CDS1: variants seen among roughly 807,000 people sequenced by gnomAD.
The protein encoded by CDS1 is phosphatidate cytidylyltransferase 1.
CDS1 carries 41 observed loss-of-function variants against 62.1 expected under a neutral mutation model. The ratio of observed to expected loss-of-function variants is 0.66; its 90% confidence interval spans 0.51 to 0.86. The LOEUF is 0.86. Ranked by LOEUF, CDS1 falls within the 40% of genes least tolerant of loss-of-function variation. CDS1 has a pLI of 0.00. For synonymous variants in CDS1, 185 were observed against 192.6 expected (o/e 0.96, Z 0.32); for missense variants, 470 against 550.1 (o/e 0.85, Z 1.46).
intron 6 of CDS1, among the ~76,000 whole-genome samples, chr4:84,633,262 T>G (rs1724079447): frequency 6.6e-6 from 1 of 152,230 alleles, no homozygotes; most frequent in Non-Finnish European, 1.5e-5. Flanking sequence ...TCAGGCTAGA[T>G]AGAATTGGCA....
At chr4:84,603,389 C>T (rs1340426787) in intron 1 of CDS1, among the ~76,000 whole-genome samples, 1 of 152,158 alleles carries the variant, frequency 6.6e-6, no homozygotes, top group African/African-American at 2.4e-5. Context: ...GTGTGTTCAC[C>T]ACTCATAACT....
chr4:84,601,845 A>C (rs1578023087), intron 1 of CDS1, among the ~76,000 whole-genome samples: 1 of 152,072 alleles, frequency 6.6e-6, no homozygotes, highest in Non-Finnish European at 1.5e-5. Context: ...CCTGGGAGGC[A>C]GAGGCTGCAG....
In CDS1 at chr4:84,617,672, T is replaced by A. The variant is rs778849082; in HGVS notation, c.440+11T>A. ...TAGAACACTAAGTTGGTAAGTAAGCTTGAAACTATTTCAGATATGAAAAGT... is the reference window on the plus strand; with the variant it reads ...TAGAACACTAAGTTGGTAAGTAAGCATGAAACTATTTCAGATATGAAAAGT... On this transcript the variant is annotated intron_variant, in intron 4 of 12. Coordinates refer to ENST00000295887, the MANE Select transcript of CDS1 (RefSeq NM_001263.4). 3 of 1,263,596 alleles carry A rather than the reference T, an allele frequency of 2.4e-6. No homozygotes were observed. The highest frequency in any genetic ancestry group is 3.4e-6 in the Non-Finnish European group (3 of 881,218). The allele number at this position is 1,263,596 out of a possible 1,614,324, so 78.3% of individuals were successfully genotyped here.
chr4:84,643,140 CA>C lies in CDS1; in HGVS notation c.1151del (p.Lys384ArgfsTer13). On this transcript the variant is annotated frameshift_variant and splice_region_variant, in exon 11 of 13. Transcript: ENST00000295887. LOFTEE classifies it high-confidence loss of function. ...ASGFKRAFKI[K>X]DFANTIPGHG... Reference sequence around the variant, plus strand: ...GTGGATTCAAAAGAGCCTTCAAAATCAAGGTGTGTGTTTAGATTCTTTGTTA... The same window carrying C: ...GTGGATTCAAAAGAGCCTTCAAAATCAGGTGTGTGTTTAGATTCTTTGTTA... 6.2e-7 allele frequency: 1 copy of C among 1,612,230 alleles called. No homozygotes were observed. The highest frequency in any genetic ancestry group is 8.5e-7 in the Non-Finnish European group (1 of 1,178,938).
At chr4:84,639,422 C>G (rs1036587951) in intron 9 of CDS1, among the ~76,000 whole-genome samples, 1 of 152,184 alleles carries the variant, frequency 6.6e-6, no homozygotes, top group Non-Finnish European at 1.5e-5. Context: ...CACATGGTGG[C>G]CACTTGGCTC....
At chr4:84,590,441 G>T (rs1309757067) in intron 1 of CDS1, among the ~76,000 whole-genome samples, 1 of 152,168 alleles carries the variant, frequency 6.6e-6, no homozygotes, top group South Asian at 2.1e-4. Flanking sequence ...ATATCTGAGG[G>T]TTACCATGTG....
rs987906552 is a variant in CDS1, at chr4:84,596,984, G to A, written c.118-7259G>A. On this transcript the variant is annotated intron_variant, in intron 1 of 12. Coordinates refer to ENST00000295887, the MANE Select transcript of CDS1 (RefSeq NM_001263.4). Reference sequence around the variant, plus strand: ...GTGTGGCCAAAGCCCTGGCTGGAGAGTAAGAGGAGGCTGGGTTTATACCCT... The same window carrying A: ...GTGTGGCCAAAGCCCTGGCTGGAGAATAAGAGGAGGCTGGGTTTATACCCT... 2.6e-5 allele frequency among the ~76,000 whole-genome samples: 4 copies of A among 152,220 alleles called. 1 individual carries two copies. Among genetic ancestry groups the A allele is most frequent in the African/African-American group, 9.6e-5 (4 of 41,454 alleles).
chr4:84,601,474 T>C (rs1054609806), intron 1 of CDS1, among the ~76,000 whole-genome samples: 1 of 152,194 alleles, frequency 6.6e-6, no homozygotes, highest in African/African-American at 2.4e-5. Flanking sequence ...GACATAAGTT[T>C]ACGGGGAATC....
chr4:84,635,696 T>TCCCTCCCTCCCTCCCTCCC (rs1393347967), intron 8 of CDS1, among the ~76,000 whole-genome samples: 1 of 58,426 alleles, frequency 1.7e-5, no homozygotes, highest in African/African-American at 7.1e-5. Flanking sequence ...CCTTCCCTCC[T>TCCCTCCCTCCCTCCCTCCC]TCCCTCCCTC....
chr4:84,641,605 A>G (rs888308151), intron 10 of CDS1, among the ~76,000 whole-genome samples: 5 of 152,220 alleles, frequency 3.3e-5, no homozygotes, highest in Admixed American at 2.6e-4. Flanking sequence ...CTTGATTTTT[A>G]GAGGACATTT....
At chr4:84,587,644 C>A (rs1256759720) in intron 1 of CDS1, among the ~76,000 whole-genome samples, 2 of 152,100 alleles carry the variant, frequency 1.3e-5, no homozygotes, top group Non-Finnish European at 2.9e-5. Context: ...ATGTAGAGAC[C>A]AAGGGAGAAC....
intron 2 of CDS1, among the ~76,000 whole-genome samples, chr4:84,605,386 C>A (rs1723062624): frequency 6.6e-6 from 1 of 151,592 alleles, no homozygotes; most frequent in Non-Finnish European, 1.5e-5. Context: ...GGGTCATAGC[C>A]TGCGATCTGA....
intron 3 of CDS1, among the ~76,000 whole-genome samples, chr4:84,609,739 C>A (rs1723258046): frequency 6.6e-6 from 1 of 152,146 alleles, no homozygotes; most frequent in Non-Finnish European, 1.5e-5. Context: ...TCAGCAGAGA[C>A]CAAGTTTGTA....
At chr4:84,586,541 G>C (rs1005545220) in intron 1 of CDS1, among the ~76,000 whole-genome samples, 3 of 152,086 alleles carry the variant, frequency 2.0e-5, no homozygotes, top group African/African-American at 7.2e-5. Context: ...AGGAGGCAGC[G>C]CTCGGTGGTA....
At chr4:84,588,937 A>C (rs1722498443) in intron 1 of CDS1, among the ~76,000 whole-genome samples, 1 of 152,190 alleles carries the variant, frequency 6.6e-6, no homozygotes, top group Non-Finnish European at 1.5e-5. Context: ...AGTTTAGTTT[A>C]GGGAAGAGCT....
chr4:84,611,704 A>C (rs1723329587), intron 3 of CDS1, among the ~76,000 whole-genome samples: 2 of 152,210 alleles, frequency 1.3e-5, no homozygotes, highest in Admixed American at 1.3e-4. Flanking sequence ...TTTTCTGCTA[A>C]TTTGCTAAGA....
intron 12 of CDS1, 132 bp from the exon 13 acceptor site, chr4:84,648,425 A>G (rs1186108667): frequency 1.3e-6 from 1 of 767,062 alleles, no homozygotes; most frequent in African/African-American, 1.8e-5. Context: ...AGCTATTATC[A>G]AGAGCTATTT....
intron 10 of CDS1, among the ~76,000 whole-genome samples, chr4:84,642,536 A>G (rs1054234109): frequency 3.3e-5 from 5 of 152,196 alleles, no homozygotes; most frequent in African/African-American, 1.2e-4. Context: ...TCATTTTGAT[A>G]ATAATCTTTA....
chr4:84,598,763 G>A (rs989442470), intron 1 of CDS1, among the ~76,000 whole-genome samples: 5 of 152,024 alleles, frequency 3.3e-5, no homozygotes, highest in Admixed American at 6.5e-5. Flanking sequence ...TTGCCACTGC[G>A]CCCAGCTCTT....
Sources: gnomAD v4.1 joint callset for allele counts (sites outside exome capture counted in the v4.1 genomes callset) on GRCh38, gnomAD v4.1.1 for gene constraint, MANE v1.5 for transcripts, NCBI Gene and HGNC (gene_info 2026-07-23, HGNC 2026-07-21) for gene names.